The following TBC1D22B variants were observed in gnomAD, a reference collection of about 807,000 sequenced individuals.
TBC1D22B encodes the protein chromosome 6 open reading frame 197.
In TBC1D22B, 32 loss-of-function variants were observed where a neutral mutation model predicts 69.1. The ratio of observed to expected loss-of-function variants is 0.46; its 90% CI spans 0.35 to 0.62. The LOEUF (loss-of-function observed/expected upper bound fraction) is 0.62. Ranked by LOEUF, TBC1D22B falls within the 20% of genes least tolerant of loss-of-function variation. The pLI is 0.00. For synonymous variants in TBC1D22B, 206 were observed against 229.8 expected (o/e 0.90, Z 0.94); for missense variants, 462 against 630.9 (o/e 0.73, Z 2.87).
Position 37,282,194 on chromosome 6 carries a change from G to A in TBC1D22B, c.431G>A (p.Cys144Tyr). 1 of 1,614,056 alleles carries A rather than the reference G, an allele frequency of 6.2e-7. No homozygotes were observed. Among genetic ancestry groups the A allele is most frequent in the Non-Finnish European group, 8.5e-7 (1 of 1,179,972 alleles). Residue 144 changes from cysteine to tyrosine, a missense_variant, in exon 4 of 13, where the codon TGC becomes TAC. Cys to Tyr is a radical substitution (Grantham distance 194, BLOSUM62 -2). Coordinates refer to ENST00000373491, the MANE Select transcript of TBC1D22B (RefSeq NM_017772.4). ...AQLSRNSSDT[C>Y]LRNPLHKQQS... ...TTTCAAATGATCTCAGGTGATACATGCCTGAGGAACCCACTCCACAAACAG... is the reference window on the plus strand; with the variant it reads ...TTTCAAATGATCTCAGGTGATACATACCTGAGGAACCCACTCCACAAACAG...
chr6:37,280,514 C>G (rs1766791138), intron 3 of TBC1D22B, among the ~76,000 whole-genome samples: 1 of 152,212 alleles, frequency 6.6e-6, no homozygotes, highest in Non-Finnish European at 1.5e-5. Context: ...CCTTCAGTGC[C>G]ATGCACAGAT....
intron 2 of TBC1D22B, among the ~76,000 whole-genome samples, chr6:37,273,570 TTGA>T (rs1293589911): frequency 2.0e-5 from 3 of 152,264 alleles, no homozygotes; most frequent in African/African-American, 7.2e-5. Flanking sequence ...TTCTCACCTG[TTGA>T]TGATATAAAA....
At chr6:37,310,853 A>C (rs1185400106) in intron 8 of TBC1D22B, among the ~76,000 whole-genome samples, 1 of 152,226 alleles carries the variant, frequency 6.6e-6, no homozygotes, top group Non-Finnish European at 1.5e-5. Flanking sequence ...TATAAAAATT[A>C]TGCTTATTAT....
chr6:37,257,932 C>T lies in TBC1D22B; in HGVS notation c.15C>T (p.Asn5=). The change falls in exon 1 of 13, where the codon AAC becomes AAT. Residue 5 remains asparagine (N), a synonymous_variant. Transcript: ENST00000373491. MAAE[N]SKQFWKRSAK... ...CGGCCAGAGCAATGGCCGCTGAGAA[C>T]AGCAAGCAGTTTTGGAAGAGGAGCG... 6.2e-7 allele frequency: 1 copy of T among 1,614,076 alleles called. No homozygotes were observed. The highest frequency in any genetic ancestry group is 1.1e-5 in the South Asian group (1 of 91,052).
intron 8 of TBC1D22B, 107 bp from the exon 9 acceptor site, chr6:37,312,811 C>T: frequency 1.2e-6 from 1 of 856,638 alleles, no homozygotes; most frequent in Admixed American, 1.9e-5. Context: ...TCAGGTTAGC[C>T]TGGTCCTCAC....
intron 1 of TBC1D22B, among the ~76,000 whole-genome samples, chr6:37,259,396 C>A (rs1250886134): frequency 2.0e-5 from 3 of 152,058 alleles, no homozygotes; most frequent in African/African-American, 7.3e-5. Flanking sequence ...GTTGTGCTAA[C>A]TGCTATTCTC....
At chr6:37,323,760 CA>C (rs1279808688) in intron 12 of TBC1D22B, among the ~76,000 whole-genome samples, 1 of 152,224 alleles carries the variant, frequency 6.6e-6, no homozygotes. Flanking sequence ...CCTGTCTTTA[CA>C]GACATTTGGT....
intron 1 of TBC1D22B, among the ~76,000 whole-genome samples, chr6:37,262,881 A>C (rs144086826): frequency 2.2e-4 from 34 of 152,346 alleles, no homozygotes; most frequent in East Asian, 1.9e-3. Flanking sequence ...TGTTTCAACT[A>C]GGCAAAACAG....
At chr6:37,317,991 TG>T (rs2113786494) in intron 12 of TBC1D22B, among the ~76,000 whole-genome samples, 1 of 152,254 alleles carries the variant, frequency 6.6e-6, no homozygotes, top group African/African-American at 2.4e-5. Flanking sequence ...CAGAGGACTT[TG>T]TAGCCACTGT....
intron 8 of TBC1D22B, among the ~76,000 whole-genome samples, chr6:37,292,516 C>T (rs1414052691): frequency 6.6e-6 from 1 of 151,976 alleles, no homozygotes; most frequent in Admixed American, 6.6e-5. Context: ...TTGGAAGCAG[C>T]GTAATTCTGC....
At chr6:37,301,010 G>C (rs1364189770) in intron 8 of TBC1D22B, among the ~76,000 whole-genome samples, 6 of 152,202 alleles carry the variant, frequency 3.9e-5, no homozygotes, top group African/African-American at 1.2e-4. Context: ...TACTCTGTCT[G>C]TTTCTATGTT....
At chr6:37,264,967 T>G (rs550786159) in intron 1 of TBC1D22B, among the ~76,000 whole-genome samples, 3 of 152,330 alleles carry the variant, frequency 2.0e-5, no homozygotes, top group South Asian at 4.2e-4. Context: ...TTGAGCACCT[T>G]AATCATTGGG....
chr6:37,289,480 G>A (rs961857298), intron 7 of TBC1D22B, among the ~76,000 whole-genome samples: 28 of 152,158 alleles, frequency 1.8e-4, no homozygotes, highest in African/African-American at 6.5e-4. Context: ...CTTGTACCAT[G>A]TGAGTGTGTC....
intron 7 of TBC1D22B, among the ~76,000 whole-genome samples, chr6:37,289,211 A>C (rs368082368): frequency 4.6e-5 from 7 of 152,362 alleles, no homozygotes; most frequent in African/African-American, 1.7e-4. Context: ...AAAAATGCCA[A>C]CCAAGAAGCA....
intron 8 of TBC1D22B, among the ~76,000 whole-genome samples, chr6:37,294,521 G>T (rs1417194075): frequency 1.3e-5 from 2 of 152,158 alleles, no homozygotes; most frequent in Non-Finnish European, 2.9e-5. Flanking sequence ...TCAATGTCTG[G>T]CTTCAAAGGA....
chr6:37,260,345 A>G (rs2113965956), intron 1 of TBC1D22B, among the ~76,000 whole-genome samples: 1 of 152,350 alleles, frequency 6.6e-6, no homozygotes, highest in East Asian at 1.9e-4. Flanking sequence ...GGTGAAAAAT[A>G]AAAGCGATGA....
intron 6 of TBC1D22B, 34 bp downstream of exon 6, chr6:37,284,498 A>G (rs1159693992): frequency 6.5e-7 from 1 of 1,534,068 alleles, no homozygotes. Flanking sequence ...TTTGCTTACC[A>G]GTCATATACT....
intron 2 of TBC1D22B, among the ~76,000 whole-genome samples, chr6:37,277,830 T>C (rs1396922131): frequency 6.6e-6 from 1 of 152,024 alleles, no homozygotes; most frequent in Non-Finnish European, 1.5e-5. Context: ...ACAACATTTG[T>C]TATAAATAAG....
chr6:37,330,773 T>C (rs1768559851), intron 12 of TBC1D22B, among the ~76,000 whole-genome samples: 1 of 152,012 alleles, frequency 6.6e-6, no homozygotes, highest in Non-Finnish European at 1.5e-5. Flanking sequence ...CTCTTAAAAA[T>C]CTTTATTGTT....
Sources: gnomAD v4.1 joint callset for allele counts (sites outside exome capture counted in the v4.1 genomes callset) on GRCh38, gnomAD v4.1.1 for gene constraint, MANE v1.5 for transcripts, NCBI Gene and HGNC (gene_info 2026-07-23, HGNC 2026-07-21) for gene names.